The following SLC12A6 variants were observed in gnomAD, a reference collection of about 807,000 sequenced individuals.
The protein encoded by SLC12A6 is K-Cl cotransporter 3.
A neutral mutation model predicts 135.3 loss-of-function variants in SLC12A6; 66 were observed. The observed-to-expected ratio is 0.49, with a 90% CI of 0.40 to 0.60. SLC12A6 has a LOEUF of 0.60. Among genes scored for constraint, SLC12A6 ranks in the 20% least tolerant of loss-of-function variants. SLC12A6 has a pLI of 0.00. For missense variants in SLC12A6, 1,058 were observed against 1,452.3 expected (o/e 0.73, Z 4.41); for synonymous variants, 513 against 508.8 (o/e 1.01, Z -0.11).
At chr15:34,282,409 T>C (rs536811828) in intron 2 of SLC12A6, among the ~76,000 whole-genome samples, 17 of 152,298 alleles carry the variant, frequency 1.1e-4, no homozygotes, top group South Asian at 8.3e-4. Context: ...TCCTATGATA[T>C]ACACTTTGGG....
chr15:34,336,745 A>G lies in SLC12A6; in HGVS notation c.-65T>C. Reference sequence around the variant, plus strand: ...GCAAAATCTTCCTCTTACGCTAGCTACTTTTGACTGCAATACAAAAGATAA... The same window carrying G: ...GCAAAATCTTCCTCTTACGCTAGCTGCTTTTGACTGCAATACAAAAGATAA... On this transcript the variant is annotated 5_prime_UTR_variant, in exon 2 of 26. Coordinates refer to ENST00000354181, the MANE Select transcript of SLC12A6 (RefSeq NM_001365088.1). 8.0e-7 allele frequency: 1 copy of G among 1,257,368 alleles called. No homozygotes were observed. The allele number at this position is 1,257,368 out of a possible 1,614,324, so 77.9% of individuals were successfully genotyped here. A position where few individuals can be genotyped will look rare whatever the true frequency, so the allele number is the denominator to read the frequency against.
In SLC12A6 at chr15:34,258,907, A is replaced by G; in HGVS notation, c.449T>C (p.Leu150Pro). ...MDTRPKVSSL[L>P]NRMANYTNLT... ...ATTAGTGTAATTGGCCATGCGGTTGAGGAGGGAAGACACCTTCGGTCTGGT... is the reference window on the plus strand; with the variant it reads ...ATTAGTGTAATTGGCCATGCGGTTGGGGAGGGAAGACACCTTCGGTCTGGT... Residue 150 changes from leucine to proline, a missense_variant, in exon 5 of 26, where the codon CTC becomes CCC. Around this residue, in one of 6 missense-constraint regions of SLC12A6, gnomAD observed 139 missense variants for 202.2 expected, o/e 0.69. Coordinates refer to ENST00000354181, the MANE Select transcript of SLC12A6 (RefSeq NM_001365088.1). 6.2e-7 allele frequency: 1 copy of G among 1,611,440 alleles called. No homozygotes were observed. The highest frequency in any genetic ancestry group is 8.5e-7 in the Non-Finnish European group (1 of 1,177,552).
At position 34,229,896 on chromosome 15, in the gene SLC12A6, AG is replaced by A. The variant is rs1890804955; in HGVS notation, c.*3984del. The A allele has an allele frequency of 9.6e-7, 1 of 1,039,170 alleles. No homozygotes were observed. Among genetic ancestry groups the A allele is most frequent in the African/African-American group, 1.6e-5 (1 of 62,940 alleles). 64.4% of individuals were successfully genotyped at this position (1,039,170 alleles called of 1,614,324 possible). A position where few individuals can be genotyped will look rare whatever the true frequency, so the allele number is the denominator to read the frequency against. The stretch of plus-strand genomic sequence containing the variant: ...CTTAAACTAATCACTTATGTTAAAA[AG>A]AACCAAAAGACTCTTTTCTCCATGG... On this transcript the variant is annotated 3_prime_UTR_variant, in exon 26 of 26. Transcript: ENST00000354181.
rs148802798 is a variant in SLC12A6, at chr15:34,272,673, T to C, written c.316+2672A>G. On this transcript the variant is annotated intron_variant, in intron 3 of 25. Transcript: ENST00000354181. Reference sequence around the variant, plus strand: ...AATACTATTAGAATTTTTTGGCTAATAATGACTAAGATAACTCTTCCTTCA... The same window carrying C: ...AATACTATTAGAATTTTTTGGCTAACAATGACTAAGATAACTCTTCCTTCA... Among the ~76,000 whole-genome samples the C allele has an allele frequency of 3.7e-4, 57 of 152,340 alleles. No individual in the cohort carries two copies. In the East Asian group the frequency reaches 9.5e-3, roughly 25 times the overall value.
chr15:34,245,862 C>A lies in SLC12A6; in HGVS notation c.1655G>T (p.Gly552Val). Reference sequence around the variant, plus strand: ...CACCAAATTACCTTTCACAGCATCACCGAACCTGGGAAAGAAATAGGAGTG... The same window carrying A: ...CACCAAATTACCTTTCACAGCATCAACGAACCTGGGAAAGAAATAGGAGTG... ...IEGVVLRDKF[G>V]DAVKGNLVVG... The change falls in exon 14 of 26, where the codon GGT becomes GTT. Residue 552 changes from glycine to valine, a missense_variant. Coordinates refer to ENST00000354181, the MANE Select transcript of SLC12A6 (RefSeq NM_001365088.1). 1 of 1,610,850 alleles carries A rather than the reference C, an allele frequency of 6.2e-7. No individual in the cohort carries two copies. Among genetic ancestry groups the A allele is most frequent in the Non-Finnish European group, 8.5e-7 (1 of 1,177,108 alleles).
chr15:34,268,039 G>C (rs116868141), intron 3 of SLC12A6, among the ~76,000 whole-genome samples: 4,526 of 152,026 alleles, frequency 0.03, 86 homozygotes, highest in Non-Finnish European at 0.046. Context: ...ACATTTAATA[G>C]AATTTTGTAT....
At chr15:34,266,625 A>G (rs530525039) in intron 3 of SLC12A6, among the ~76,000 whole-genome samples, 1 of 152,244 alleles carries the variant, frequency 6.6e-6, no homozygotes, top group South Asian at 2.1e-4. Flanking sequence ...GATTTTTTGT[A>G]GAGATGAGGT....
chr15:34,317,929 T>G (rs1888766445), intron 2 of SLC12A6, among the ~76,000 whole-genome samples: 1 of 152,144 alleles, frequency 6.6e-6, no homozygotes, highest in South Asian at 2.1e-4. Flanking sequence ...TTAAAGAAAA[T>G]AATAGGGATA....
At chr15:34,290,777 A>T (rs1349861036) in intron 2 of SLC12A6, among the ~76,000 whole-genome samples, 1 of 152,102 alleles carries the variant, frequency 6.6e-6, no homozygotes, top group Non-Finnish European at 1.5e-5. Flanking sequence ...TATCAAACAG[A>T]CCAGGATTGC....
Position 34,262,662 on chromosome 15 carries a change from C to T in SLC12A6, c.317-1642G>A, listed in dbSNP as rs140994304. 3.4e-3 allele frequency among the ~76,000 whole-genome samples: 521 copies of T among 152,304 alleles called. 2 individuals carry two copies. The highest frequency in any genetic ancestry group is 4.7e-3 in the African/African-American group (195 of 41,562). On this transcript the variant is annotated intron_variant, in intron 3 of 25. Transcript: ENST00000354181. ...TGGGACTAAAAGAGCTATTAGCACA[C>T]GGTAACACCCCCTCTGAGGTTTCAG...
intron 13 of SLC12A6, 93 bp from the exon 14 acceptor site, chr15:34,245,960 T>G (rs1891956355): frequency 1.1e-6 from 1 of 927,904 alleles, no homozygotes; most frequent in Non-Finnish European, 1.7e-6. Context: ...TGAGACAGAA[T>G]CTCACTCTGT....
At chr15:34,236,294 A>G (rs1384677136) in intron 23 of SLC12A6, 95 bp from the exon 24 acceptor site, 1 of 879,374 alleles carries the variant, frequency 1.1e-6, no homozygotes, top group African/African-American at 1.6e-5. Flanking sequence ...ATAGTGGAAT[A>G]ACTGACAGAG....
chr15:34,255,820 A>T (rs77808203), intron 7 of SLC12A6, among the ~76,000 whole-genome samples: 1 of 151,656 alleles, frequency 6.6e-6, no homozygotes, highest in South Asian at 2.1e-4. Context: ...AAAAAAAAAA[A>T]TAGCCAGGCA....
At chr15:34,301,386 CAGAA>C (rs1413578330) in intron 2 of SLC12A6, among the ~76,000 whole-genome samples, 11 of 152,020 alleles carry the variant, frequency 7.2e-5, no homozygotes, top group Non-Finnish European at 1.5e-5. Context: ...GAGCTGAAGA[CAGAA>C]GGATGAACTT....
intron 2 of SLC12A6, among the ~76,000 whole-genome samples, chr15:34,302,214 A>G (rs1896303667): frequency 6.6e-6 from 1 of 152,210 alleles, no homozygotes. Context: ...AATAAAGGCC[A>G]AAGTATAATA....
chr15:34,284,317 C>T (rs1894899953), intron 2 of SLC12A6, among the ~76,000 whole-genome samples: 1 of 117,386 alleles, frequency 8.5e-6, no homozygotes, highest in African/African-American at 3.4e-5. Flanking sequence ...GAGTCCTGCT[C>T]TGTTGCCTAG....
intron 2 of SLC12A6, among the ~76,000 whole-genome samples, chr15:34,335,957 T>A (rs1890168453): frequency 2.0e-5 from 3 of 152,302 alleles, no homozygotes; most frequent in Middle Eastern, 3.4e-3. Flanking sequence ...ACATTCGAAG[T>A]CTTGGAGGAA....
intron 13 of SLC12A6, among the ~76,000 whole-genome samples, chr15:34,246,499 A>G (rs2140698925): frequency 6.6e-6 from 1 of 152,320 alleles, no homozygotes. Context: ...ATAAAAAGCT[A>G]TGAATAAAAA....
At chr15:34,303,113 A>G (rs1375387168) in intron 2 of SLC12A6, among the ~76,000 whole-genome samples, 2 of 152,200 alleles carry the variant, frequency 1.3e-5, no homozygotes, top group Non-Finnish European at 1.5e-5. Context: ...CTTCTTAACA[A>G]GAAGGGGAGA....
Sources: allele counts gnomAD v4.1 joint callset (sites outside exome capture counted in the v4.1 genomes callset), GRCh38; gene constraint gnomAD v4.1.1; regional missense constraint gnomAD v4.1.1; transcripts MANE v1.5; gene names NCBI Gene and HGNC (gene_info 2026-07-23, HGNC 2026-07-21).